Variants in ZNF385D observed in about 807,000 individuals in gnomAD.
The protein encoded by ZNF385D is zinc finger protein 659.
A neutral mutation model predicts 35.8 loss-of-function variants in ZNF385D; 15 were observed. The ratio of observed to expected loss-of-function variants is 0.42; its 90% CI spans 0.28 to 0.64. The LOEUF (loss-of-function observed/expected upper bound fraction) is 0.64, where lower values mean the gene tolerates loss of function less well. Ranked by LOEUF, ZNF385D falls within the 30% of genes least tolerant of loss-of-function variation. The pLI, the probability that ZNF385D is intolerant of heterozygous loss-of-function variation, is 0.23. For synonymous variants in ZNF385D, 212 were observed against 186.8 expected (o/e 1.13, Z -1.10); for missense variants, 474 against 494.6 (o/e 0.96, Z 0.39).
In ZNF385D at chr3:22,254,865, C is replaced by G. The variant is rs77887785; in HGVS notation, c.107-85830G>C. Among the ~76,000 whole-genome samples the G allele has an allele frequency of 1.5e-3, 231 of 151,766 alleles. 2 individuals are homozygous for G. The East Asian group carries it at 0.042, about 28-fold the overall frequency. Reference sequence around the variant, plus strand: ...AGTCCCAAAGTCCTTGTGCTTAGTCCCTGTGTTATCAGTCCTCTCTGATCA... The same window carrying G: ...AGTCCCAAAGTCCTTGTGCTTAGTCGCTGTGTTATCAGTCCTCTCTGATCA... On this transcript the variant is annotated intron_variant, in intron 2 of 5. Transcript: ENST00000494108.
chr3:22,005,568 T>C (rs920515830), intron 3 of ZNF385D, among the ~76,000 whole-genome samples: 20 of 152,070 alleles, frequency 1.3e-4, no homozygotes, highest in Non-Finnish European at 2.4e-4. Context: ...CATTGCACAA[T>C]TACACACGTA....
intron 3 of ZNF385D, among the ~76,000 whole-genome samples, chr3:21,523,225 T>C (rs9310649): frequency 0.56 from 84,981 of 152,038 alleles, 24,186 homozygotes; most frequent in East Asian, 0.71. Flanking sequence ...GGGAATTTTA[T>C]AGATCGGTGG....
intron 3 of ZNF385D, among the ~76,000 whole-genome samples, chr3:22,148,872 A>T (rs1344640974): frequency 1.3e-5 from 2 of 152,154 alleles, no homozygotes; most frequent in African/African-American, 4.8e-5. Flanking sequence ...GATAGACGAA[A>T]CCTACATACA....
intron 2 of ZNF385D, chr3:21,579,669 A>G (rs994782403): frequency 2.0e-5 from 3 of 152,186 alleles, no homozygotes; most frequent in African/African-American, 7.2e-5. Context: ...GGCTGAAAAC[A>G]TCAGAAATTT....
In ZNF385D at chr3:21,718,519, A is replaced by G. The variant is rs183479473; in HGVS notation, c.22+32376T>C. On this transcript the variant is annotated intron_variant, in intron 1 of 7. Transcript: ENST00000281523. ...GATATTTGCTAAGAACTTTACACATATTATCTTATTTAATCCTCTCAAAAA... is the reference window on the plus strand; with the variant it reads ...GATATTTGCTAAGAACTTTACACATGTTATCTTATTTAATCCTCTCAAAAA... 6.3e-4 allele frequency among the ~76,000 whole-genome samples: 96 copies of G among 152,314 alleles called. No homozygotes were observed. The East Asian group carries it at 0.017, about 27-fold the overall frequency.
At chr3:22,367,286 T>G (rs1351713010) in intron 2 of ZNF385D, among the ~76,000 whole-genome samples, 1 of 152,162 alleles carries the variant, frequency 6.6e-6, no homozygotes, top group Non-Finnish European at 1.5e-5. Context: ...ATAACTTGAT[T>G]AAATTCTCAC....
At chr3:22,184,557 G>T (rs1203624758) in intron 2 of ZNF385D, among the ~76,000 whole-genome samples, 1 of 152,134 alleles carries the variant, frequency 6.6e-6, no homozygotes, top group Non-Finnish European at 1.5e-5. Flanking sequence ...CAGGTACAGT[G>T]GCTCATGCCT....
At position 22,240,519 on chromosome 3, in the gene ZNF385D, T is replaced by C. The variant is rs184125181; in HGVS notation, c.107-71484A>G. Reference sequence around the variant, plus strand: ...CTCCTTTCTAATTGGATGTGGACTATTGAACTCCTTTCAGATCTGTGCTTC... The same window carrying C: ...CTCCTTTCTAATTGGATGTGGACTACTGAACTCCTTTCAGATCTGTGCTTC... On this transcript the variant is annotated intron_variant, in intron 2 of 5. Transcript: ENST00000494108. Among the ~76,000 whole-genome samples the C allele has an allele frequency of 1.5e-3, 225 of 151,066 alleles. 9 individuals carry two copies. The highest frequency in any genetic ancestry group is 2.5e-3 in the Non-Finnish European group (172 of 67,936).
intron 2 of ZNF385D, among the ~76,000 whole-genome samples, chr3:21,650,990 G>GA (rs1192227444): frequency 6.6e-6 from 1 of 151,766 alleles, no homozygotes; most frequent in East Asian, 1.9e-4. Context: ...GAAGTCTTAA[G>GA]AAAAAAGGGC....
In ZNF385D at chr3:21,745,242, C is replaced by A. The variant is rs182749799; in HGVS notation, c.22+5653G>T. On this transcript the variant is annotated intron_variant, in intron 1 of 7. Coordinates refer to ENST00000281523, the MANE Select transcript of ZNF385D (RefSeq NM_024697.3). ...CCAGGTTACTTTTCTTTTTCCTCTC[C>A]ACTTACAGAAATGTGATATTACATG... Among the ~76,000 whole-genome samples, 374 of 152,168 alleles carry A rather than the reference C, an allele frequency of 2.5e-3. 2 individuals are homozygous for A. The highest frequency in any genetic ancestry group is 8.6e-3 in the African/African-American group (356 of 41,516).
intron 4 of ZNF385D, among the ~76,000 whole-genome samples, chr3:21,477,202 G>T (rs1372505418): frequency 6.6e-6 from 1 of 151,986 alleles, no homozygotes; most frequent in Non-Finnish European, 1.5e-5. Flanking sequence ...TGAGAGCCTG[G>T]TTGAGGTTTC....
chr3:22,238,646 T>C (rs1425822009), intron 2 of ZNF385D, among the ~76,000 whole-genome samples: 1 of 151,058 alleles, frequency 6.6e-6, no homozygotes, highest in Non-Finnish European at 1.5e-5. Context: ...TATCCTTCAA[T>C]CTTACAGAAC....
chr3:21,530,841 G>A (rs943934244), intron 3 of ZNF385D, among the ~76,000 whole-genome samples: 6 of 152,110 alleles, frequency 3.9e-5, no homozygotes, highest in African/African-American at 1.4e-4. Flanking sequence ...TGGGGTGTTA[G>A]GAGACCAAGA....
chr3:22,182,844 T>C (rs1200490056), intron 2 of ZNF385D, among the ~76,000 whole-genome samples: 1 of 152,048 alleles, frequency 6.6e-6, no homozygotes, highest in African/African-American at 2.4e-5. Context: ...ACATATACAA[T>C]AGAGATTTTT....
intron 2 of ZNF385D, among the ~76,000 whole-genome samples, chr3:22,286,734 C>T (rs1301516955): frequency 1.3e-5 from 2 of 152,070 alleles, no homozygotes; most frequent in African/African-American, 4.8e-5. Context: ...AGTTTTGTTG[C>T]ATTTTGGTCA....
intron 3 of ZNF385D, among the ~76,000 whole-genome samples, chr3:22,050,707 C>T (rs1018827881): frequency 6.6e-6 from 1 of 152,086 alleles, no homozygotes; most frequent in African/African-American, 2.4e-5. Context: ...GTTAATTTCT[C>T]CGATTTTATC....
chr3:21,773,970 A>T (rs1015197898), intron 3 of ZNF385D, among the ~76,000 whole-genome samples: 2 of 152,020 alleles, frequency 1.3e-5, no homozygotes, highest in Admixed American at 1.3e-4. Flanking sequence ...ACATGCACAC[A>T]TATGTTCATT....
intron 4 of ZNF385D, among the ~76,000 whole-genome samples, chr3:21,448,864 A>G (rs1007321904): frequency 6.1e-4 from 12 of 19,744 alleles, no homozygotes; most frequent in African/African-American, 3.6e-3. Flanking sequence ...AAACTGCCCC[A>G]GCACCAAAAT....
intron 1 of ZNF385D, among the ~76,000 whole-genome samples, chr3:21,668,286 A>C (rs2066465658): frequency 6.6e-6 from 1 of 152,136 alleles, no homozygotes; most frequent in Admixed American, 6.6e-5. Context: ...TTCATGCAGG[A>C]GTTTACTGGC....
Sources: gnomAD v4.1 joint callset for allele counts (sites outside exome capture counted in the v4.1 genomes callset) on GRCh38, gnomAD v4.1.1 for gene constraint, MANE v1.5 for transcripts, NCBI Gene and HGNC (gene_info 2026-07-23, HGNC 2026-07-21) for gene names.